LARGE1: variants seen among roughly 807,000 people sequenced by gnomAD.
LARGE1 encodes xylosyl- and glucuronyltransferase LARGE1.
A neutral mutation model predicts 87.6 loss-of-function variants in LARGE1; 43 were observed. The observed-to-expected ratio is 0.49, with a 90% CI of 0.38 to 0.63. The LOEUF (loss-of-function observed/expected upper bound fraction) is 0.63. LARGE1 is among the 30% of genes least tolerant of loss of function. The pLI, the probability that LARGE1 is intolerant of heterozygous loss-of-function variation, is 0.00. For missense variants in LARGE1, 802 were observed against 1,000.2 expected (o/e 0.80, Z 2.67); for synonymous variants, 434 against 394.6 (o/e 1.10, Z -1.18).
intron 10 of LARGE1, among the ~76,000 whole-genome samples, chr22:33,326,450 C>A (rs1937254088): frequency 6.6e-6 from 1 of 152,184 alleles, no homozygotes; most frequent in Non-Finnish European, 1.5e-5. Context: ...TTCTGGGGGG[C>A]CTTTGCCATC....
At chr22:33,405,315 G>T (rs1347848547) in intron 7 of LARGE1, among the ~76,000 whole-genome samples, 1 of 152,128 alleles carries the variant, frequency 6.6e-6, no homozygotes, top group Non-Finnish European at 1.5e-5. Flanking sequence ...CCTCCTTCCA[G>T]CCTCCCACCT....
At chr22:33,295,870 T>C (rs1388943481) in intron 12 of LARGE1, among the ~76,000 whole-genome samples, 1 of 152,144 alleles carries the variant, frequency 6.6e-6, no homozygotes, top group African/African-American at 2.4e-5. Flanking sequence ...CAAGATCCGG[T>C]GATTCCTTAA....
intron 6 of LARGE1, among the ~76,000 whole-genome samples, chr22:33,539,106 C>T (rs1185827330): frequency 1.3e-5 from 2 of 151,932 alleles, no homozygotes; most frequent in Admixed American, 6.6e-5. Flanking sequence ...TGTATATATG[C>T]CTGTATAAAC....
intron 2 of LARGE1, among the ~76,000 whole-genome samples, chr22:33,663,748 A>T (rs2081194109): frequency 6.6e-6 from 1 of 152,190 alleles, no homozygotes; most frequent in Non-Finnish European, 1.5e-5. Flanking sequence ...GGCTCTGAAG[A>T]GTCCTCAGTG....
At chr22:33,137,110 G>A in the LARGE1 span, 2 of 152,142 alleles carry the variant, frequency 1.3e-5, no homozygotes, top group Non-Finnish European at 2.9e-5. Flanking sequence ...GGAGAAATAA[G>A]TGAAATGACA....
intron 3 of LARGE1, among the ~76,000 whole-genome samples, chr22:33,640,610 C>T (rs954786055): frequency 2.0e-5 from 3 of 152,070 alleles, no homozygotes; most frequent in African/African-American, 7.2e-5. Context: ...GGAAAGGGGG[C>T]TGAAGCCAGG....
At chr22:33,813,521 G>C (rs1026171854) in intron 1 of LARGE1, among the ~76,000 whole-genome samples, 3 of 151,984 alleles carry the variant, frequency 2.0e-5, no homozygotes, top group African/African-American at 7.3e-5. Context: ...ACAGAATTGA[G>C]AATGGTGACC....
At chr22:33,776,435 A>T (rs2085239836) in intron 1 of LARGE1, among the ~76,000 whole-genome samples, 1 of 152,178 alleles carries the variant, frequency 6.6e-6, no homozygotes, top group Non-Finnish European at 1.5e-5. Flanking sequence ...GAGGTCTTTA[A>T]CGCAAATTTA....
chr22:33,708,615 G>A (rs1218312398), intron 2 of LARGE1, among the ~76,000 whole-genome samples: 1 of 152,112 alleles, frequency 6.6e-6, no homozygotes, highest in East Asian at 1.9e-4. Flanking sequence ...TTTTTTGTGT[G>A]TAGGAGACAG....
chr22:33,344,678 C>G (rs1471145322), intron 9 of LARGE1, among the ~76,000 whole-genome samples: 3 of 152,158 alleles, frequency 2.0e-5, no homozygotes, highest in Non-Finnish European at 4.4e-5. Flanking sequence ...TGTCTGACTA[C>G]TAAGAAATGT....
At chr22:33,821,796 T>G (rs2086829845) in intron 1 of LARGE1, among the ~76,000 whole-genome samples, 1 of 152,114 alleles carries the variant, frequency 6.6e-6, no homozygotes, top group Non-Finnish European at 1.5e-5. Flanking sequence ...ATTGGAAATC[T>G]TCAACAATCA....
chr22:33,738,151 T>C (rs1051401831), intron 2 of LARGE1, among the ~76,000 whole-genome samples: 1 of 152,224 alleles, frequency 6.6e-6, no homozygotes, highest in Non-Finnish European at 1.5e-5. Context: ...TTTCTGCTAA[T>C]TTAATGTCCC....
At chr22:33,236,040 G>A (rs989687578) in intron 11 of LARGE1, among the ~76,000 whole-genome samples, 2 of 152,146 alleles carry the variant, frequency 1.3e-5, no homozygotes, top group Non-Finnish European at 2.9e-5. Flanking sequence ...AGGCAGAGAC[G>A]AGTGATGCAA....
chr22:33,381,276 C>T (rs8141762), intron 9 of LARGE1, among the ~76,000 whole-genome samples: 10,851 of 152,234 alleles, frequency 0.071, 910 homozygotes, highest in African/African-American at 0.21. Context: ...ATCAGAATAG[C>T]TTGTTATGCA....
chr22:33,189,920 T>A (rs1923687606), intron 11 of LARGE1, among the ~76,000 whole-genome samples: 1 of 152,164 alleles, frequency 6.6e-6, no homozygotes, highest in Non-Finnish European at 1.5e-5. Context: ...GCATCTAAGC[T>A]TTTGATACCA....
chr22:33,080,236 CT>C, the LARGE1 span, among the ~76,000 whole-genome samples: 789 of 152,308 alleles, frequency 5.2e-3, 14 homozygotes, highest in South Asian at 0.054. Context: ...AATCATGTTA[CT>C]TGCATCACCT....
chr22:33,852,434 G>C (rs2063615342), intron 1 of LARGE1, among the ~76,000 whole-genome samples: 1 of 152,078 alleles, frequency 6.6e-6, no homozygotes, highest in South Asian at 2.1e-4. Flanking sequence ...CTGGGCACAA[G>C]ATCGATAAAG....
chr22:33,777,268 G>C (rs2085267309), intron 1 of LARGE1, among the ~76,000 whole-genome samples: 1 of 152,256 alleles, frequency 6.6e-6, no homozygotes, highest in Admixed American at 6.5e-5. Flanking sequence ...CTCAGTGAAG[G>C]AGAATCTGAA....
chr22:33,491,808 GTCAAAC>G (rs1306063489), intron 6 of LARGE1, among the ~76,000 whole-genome samples: 2 of 152,118 alleles, frequency 1.3e-5, no homozygotes, highest in African/African-American at 4.8e-5. Flanking sequence ...AAATAAAACT[GTCAAAC>G]TCAAACAGAA....
Sources: gnomAD v4.1 joint callset for allele counts (sites outside exome capture counted in the v4.1 genomes callset) on GRCh38, gnomAD v4.1.1 for gene constraint, MANE v1.5 for transcripts, NCBI Gene and HGNC (gene_info 2026-07-23, HGNC 2026-07-21) for gene names.